The following PDHA1 variants were observed in gnomAD, a reference collection of about 807,000 sequenced individuals.
PDHA1 encodes the protein pyruvate dehydrogenase E1 component subunit alpha, somatic form, mitochondrial.
PDHA1 carries 1 observed loss-of-function variant against 33.0 expected under a neutral mutation model. The ratio of observed to expected loss-of-function variants is 0.03; its 90% CI spans 0.01 to 0.14. PDHA1 has a LOEUF of 0.14. Ranked by LOEUF, PDHA1 falls within the 10% of genes least tolerant of loss-of-function variation. PDHA1 has a pLI of 1.00. For synonymous variants in PDHA1, 123 were observed against 119.2 expected, an observed-to-expected ratio of 1.03 and a Z score of -0.21; for missense variants, 168 against 325.1, an observed-to-expected ratio of 0.52 and a Z score of 3.72.
intron 10 of PDHA1, 24 bp from the exon 11 acceptor site, chrX:19,359,465 T>TC (rs770680650): frequency 8.4e-7 from 1 of 1,190,695 alleles, no homozygotes; most frequent in African/African-American, 1.8e-5. Context: ...TCTAAAACCT[T>TC]TTACACTGTT....
intron 1 of PDHA1, among the ~76,000 whole-genome samples, chrX:19,348,086 G>A (rs189232874): frequency 4.6e-4 from 52 of 112,880 alleles, no homozygotes; most frequent in African/African-American, 1.4e-3. Context: ...GAACACATCA[G>A]ATGTGCTTTT....
intron 8 of PDHA1, 99 bp downstream of exon 8, chrX:19,355,856 A>G (rs2063193803): frequency 1.6e-6 from 1 of 622,829 alleles, no homozygotes; most frequent in Non-Finnish European, 2.7e-6. Context: ...GTACCTGCTA[A>G]TTGAGGTGCA....
intron 8 of PDHA1, chrX:19,357,423 C>A: frequency 1.6e-5 from 7 of 426,102 alleles, no homozygotes; most frequent in Non-Finnish European, 2.9e-5. Context: ...TCAAAACAAG[C>A]TGTTGGCAGA....
At chrX:19,348,345 T>C (rs867815015) in intron 1 of PDHA1, among the ~76,000 whole-genome samples, 39 of 112,273 alleles carry the variant, frequency 3.5e-4, no homozygotes, top group African/African-American at 1.2e-3. Flanking sequence ...GAACAGTGTT[T>C]CAGAGAACAT....
intron 6 of PDHA1, 74 bp from the exon 7 acceptor site, chrX:19,355,275 G>GAAC: frequency 2.7e-6 from 3 of 1,101,301 alleles, no homozygotes; most frequent in Non-Finnish European, 3.8e-6. Flanking sequence ...GTGCCAGGCA[G>GAAC]AGCAGCAGCT....
In PDHA1 at chrX:19,360,991, G is replaced by A; in HGVS notation, c.*1338G>A. On this transcript the variant is annotated 3_prime_UTR_variant, in exon 11 of 11. Coordinates refer to ENST00000422285, the MANE Select transcript of PDHA1 (RefSeq NM_000284.4). Reference sequence around the variant, plus strand: ...AGCAGTAGTAGGACATGGCCTTAGAGGTACGTACCTGCAGAGAGCTGGCTA... The same window carrying A: ...AGCAGTAGTAGGACATGGCCTTAGAAGTACGTACCTGCAGAGAGCTGGCTA... 4.6e-6 allele frequency: 2 copies of A among 433,904 alleles called. No individual in the cohort carries two copies. Among genetic ancestry groups the A allele is most frequent in the Non-Finnish European group, 7.9e-6 (2 of 253,215 alleles). 35.8% of individuals were successfully genotyped at this position (433,904 alleles called of 1,213,427 possible).
At chrX:19,350,976 C>T (rs1257375574) in intron 3 of PDHA1, among the ~76,000 whole-genome samples, 1 of 111,688 alleles carries the variant, frequency 9.0e-6, no homozygotes, top group African/African-American at 3.3e-5. Context: ...TTTTCCATGT[C>T]TAAGAGAAGG....
chrX:19,359,285 C>CT (rs939316300), intron 10 of PDHA1, among the ~76,000 whole-genome samples: 1 of 111,688 alleles, frequency 9.0e-6, no homozygotes, highest in African/African-American at 3.3e-5. Flanking sequence ...TAGTATGGTT[C>CT]TTTTTTCCTA....
At position 19,347,820 on chromosome X, in the gene PDHA1, CTT is replaced by C. The variant is rs1241480301; in HGVS notation, c.58-1488_58-1487del. Among the ~76,000 whole-genome samples, 9 of 112,694 alleles carry C rather than the reference CTT, an allele frequency of 8.0e-5. No individual in the cohort carries two copies. The East Asian group carries it at 1.7e-3, about 21-fold the overall frequency. ...TTCCCAAATTCCTAAATTTCCTTCA[CTT>C]TTTCTGAGATACATTAGTGGACTGT... On this transcript the variant is annotated intron_variant, in intron 1 of 10. Coordinates refer to ENST00000422285, the MANE Select transcript of PDHA1 (RefSeq NM_000284.4).
intron 1 of PDHA1, among the ~76,000 whole-genome samples, chrX:19,346,113 C>G (rs915717141): frequency 3.6e-5 from 4 of 111,524 alleles, no homozygotes; most frequent in Non-Finnish European, 5.6e-5. Flanking sequence ...AAGCCTTTCA[C>G]AAAAATCTTG....
rs138045044 is a variant in PDHA1 at position 19,358,058 on chromosome X, C to T, written c.899+339C>T. 3.6e-5 allele frequency among the ~76,000 whole-genome samples: 4 copies of T among 112,154 alleles called. No homozygotes were observed. In the East Asian group the frequency reaches 1.1e-3, roughly 31 times the overall value. The stretch of plus-strand genomic sequence containing the variant: ...TTTTGTAGGCATTACCCCAAGTCTA[C>T]ACCTGGCATACTCTACCTGAAGAGG... On this transcript the variant is annotated intron_variant, in intron 9 of 10. Transcript: ENST00000422285.
At chrX:19,357,315 C>T (rs1241861359) in intron 8 of PDHA1, 7 of 273,475 alleles carry the variant, frequency 2.6e-5, no homozygotes, top group Non-Finnish European at 4.6e-5. Context: ...AGGCTAGTCT[C>T]GAACTCCTGG....
Position 19,359,523 on chromosome X carries a change from A to T in PDHA1, c.1043A>T (p.Asp348Val). Residue 348 changes from aspartate (D) to valine (V), a missense_variant, in exon 11 of 11, where the codon GAT becomes GTT. Physicochemically the swap from Asp to Val is radical, Grantham distance 152. Coordinates refer to ENST00000422285, the MANE Select transcript of PDHA1 (RefSeq NM_000284.4). ...IDVEVRKEIE[D>V]AAQFATADPE... is the part of the protein sequence containing the mutation. ...GTGGAAGTGAGGAAGGAGATTGAGG[A>T]TGCTGCCCAGTTTGCCACGGCCGAT... 3.3e-6 allele frequency: 4 copies of T among 1,210,401 alleles called. No homozygotes were observed. Among genetic ancestry groups the T allele is most frequent in the Non-Finnish European group, 4.5e-6 (4 of 894,354 alleles).
At chrX:19,346,055 A>G (rs73637631) in intron 1 of PDHA1, among the ~76,000 whole-genome samples, 4,393 of 112,115 alleles carry the variant, frequency 0.039, 105 homozygotes, top group South Asian at 0.13. Flanking sequence ...AAAATAGATC[A>G]ACGTTTTAGT....
At chrX:19,353,639 T>TA (rs1453063358) in intron 5 of PDHA1, among the ~76,000 whole-genome samples, 1 of 111,971 alleles carries the variant, frequency 8.9e-6, no homozygotes, top group East Asian at 2.8e-4. Context: ...GGTTTGCTTT[T>TA]AAAGACCTAG....
In PDHA1 at chrX:19,361,251, G is replaced by C. The variant is rs11094770; in HGVS notation, c.*1598G>C. 63,999 of 766,658 alleles carry C rather than the reference G, an allele frequency of 0.083. 2,435 individuals are homozygous for C. The highest frequency in any genetic ancestry group is 0.11 in the Non-Finnish European group (56,417 of 533,096). The allele number at this position is 766,658 out of a possible 1,213,427, so 63.2% of individuals were successfully genotyped here. ...CTAATAGAACTCCAGAGTTTGGGGGGAGGCCCAGCCCTTTGTTTTCTGCTC... is the reference window on the plus strand; with the variant it reads ...CTAATAGAACTCCAGAGTTTGGGGGCAGGCCCAGCCCTTTGTTTTCTGCTC... On this transcript the variant is annotated 3_prime_UTR_variant, in exon 11 of 11. Coordinates refer to ENST00000422285, the MANE Select transcript of PDHA1 (RefSeq NM_000284.4).
In PDHA1 at chrX:19,359,425, A is replaced by C; in HGVS notation, c.1009-64A>C. 3.1e-6 allele frequency: 3 copies of C among 955,736 alleles called. No homozygotes were observed. In the South Asian group the frequency reaches 5.8e-5, roughly 18 times the overall value. The allele number at this position is 955,736 out of a possible 1,213,427, so 78.8% of individuals were successfully genotyped here. A position where few individuals can be genotyped will look rare whatever the true frequency, so the allele number is the denominator to read the frequency against. On this transcript the variant is annotated intron_variant, in intron 10 of 10. Transcript: ENST00000422285. The stretch of plus-strand genomic sequence containing the variant: ...ACACCAGCAACAGGTCCTCAGCAGA[A>C]CTCTAGTTGGTACCTAAGCTGCTGT...
In PDHA1 at chrX:19,359,657, G is replaced by A; in HGVS notation, c.*4G>A. The A allele has an allele frequency of 1.7e-6, 2 of 1,203,994 alleles. No individual in the cohort carries two copies. The highest frequency in any genetic ancestry group is 2.2e-6 in the Non-Finnish European group (2 of 888,896). ...CAAGTTTAAGTCAGTCAGTTAAGGG[G>A]AGGAGAAGGAGAGGTTATACCTTCA... is the stretch of plus-strand genomic sequence containing the variant. On this transcript the variant is annotated 3_prime_UTR_variant, in exon 11 of 11. Transcript: ENST00000422285.
rs753346155 is a variant in PDHA1, at chrX:19,355,545, C to T, written c.759+41C>T. 20 of 1,149,788 alleles carry T rather than the reference C, an allele frequency of 1.7e-5. No homozygotes were observed. In the Admixed American group the frequency reaches 2.9e-4, roughly 17 times the overall value. The allele number at this position is 1,149,788 out of a possible 1,213,427, so 94.8% of individuals were successfully genotyped here. A position where few individuals can be genotyped will look rare whatever the true frequency, so the allele number is the denominator to read the frequency against. On this transcript the variant is annotated intron_variant, in intron 7 of 10. Coordinates refer to ENST00000422285, the MANE Select transcript of PDHA1 (RefSeq NM_000284.4). ...GTGGGGCCGGGGCCAAGGCCAAGGCCAAGGGTATGTCCTTGTGCAGACCCT... is the reference window on the plus strand; with the variant it reads ...GTGGGGCCGGGGCCAAGGCCAAGGCTAAGGGTATGTCCTTGTGCAGACCCT...
Sources: gnomAD v4.1 joint callset for allele counts (sites outside exome capture counted in the v4.1 genomes callset) on GRCh38, gnomAD v4.1.1 for gene constraint, MANE v1.5 for transcripts, NCBI Gene and HGNC (gene_info 2026-07-23, HGNC 2026-07-21) for gene names.